The following SERAC1 variants were observed in gnomAD, a reference collection of about 807,000 sequenced individuals.
SERAC1 encodes the protein protein SERAC1.
SERAC1 carries 36 observed loss-of-function variants against 85.7 expected under a neutral mutation model. That is an observed-to-expected ratio of 0.42 (90% confidence interval 0.32 to 0.55). The LOEUF is 0.55. Ranked by LOEUF, SERAC1 falls within the 20% of genes least tolerant of loss-of-function variation. The probability of loss-of-function intolerance (pLI) is 0.11; values close to 1 mark genes in which losing one functional copy is unlikely to be tolerated. For missense variants in SERAC1, 629 were observed against 796.2 expected (o/e 0.79, Z 2.53); for synonymous variants, 242 against 265.3 (o/e 0.91, Z 0.85).
At chr6:158,128,019 A>G in intron 10 of SERAC1, 89 bp downstream of exon 10, 1 of 8,234 alleles carries the variant, frequency 1.2e-4, no homozygotes, top group Non-Finnish European at 1.6e-4. Flanking sequence ...AAAAAAAAAA[A>G]AAAAAAAAAA....
intron 13 of SERAC1, 163 bp from the exon 14 acceptor site, chr6:158,116,445 A>C: frequency 1.7e-6 from 1 of 584,128 alleles, no homozygotes; most frequent in Non-Finnish European, 3.0e-6. Context: ...AAATACCCCT[A>C]TTCTCTCTTA....
intron 10 of SERAC1, among the ~76,000 whole-genome samples, chr6:158,121,896 A>G (rs1458479020): frequency 6.6e-6 from 1 of 152,234 alleles, no homozygotes; most frequent in Non-Finnish European, 1.5e-5. Flanking sequence ...ACCTTTGAAA[A>G]ATATCAAATG....
intron 6 of SERAC1, among the ~76,000 whole-genome samples, chr6:158,145,526 T>C (rs1008623362): frequency 1.5e-4 from 23 of 150,790 alleles, no homozygotes; most frequent in African/African-American, 2.4e-4. Context: ...ATTTTTCTTT[T>C]TTTTTTTTTT....
intron 6 of SERAC1, among the ~76,000 whole-genome samples, chr6:158,145,681 G>C (rs1330129649): frequency 6.6e-6 from 1 of 151,732 alleles, no homozygotes; most frequent in Admixed American, 6.6e-5. Context: ...ACCATGCCCA[G>C]CTAAATTTTT....
At chr6:158,135,516 G>C (rs985976812) in intron 8 of SERAC1, among the ~76,000 whole-genome samples, 1 of 152,052 alleles carries the variant, frequency 6.6e-6, no homozygotes, top group African/African-American at 2.4e-5. Flanking sequence ...CTGGGTGACA[G>C]AGCGAGACTT....
Position 158,114,562 on chromosome 6 carries a change from GATA to G in SERAC1, c.1684+224_1684+226del, listed in dbSNP as rs141344053. On this transcript the variant is annotated intron_variant, in intron 15 of 16. Transcript: ENST00000647468. ...TATTTTTCTAATTTTAAGTATTTAA[GATA>G]ATATTAAAATTATTACAATGCTTGA... 2,425 of 1,222,894 alleles carry G rather than the reference GATA, an allele frequency of 2.0e-3. 41 individuals carry two copies. In the African/African-American group the frequency reaches 0.033, roughly 17 times the overall value. The allele number at this position is 1,222,894 out of a possible 1,614,324, so 75.8% of individuals were successfully genotyped here.
At chr6:158,159,721 C>T (rs1460008126) in intron 1 of SERAC1, among the ~76,000 whole-genome samples, 1 of 151,244 alleles carries the variant, frequency 6.6e-6, no homozygotes, top group Non-Finnish European at 1.5e-5. Context: ...GCCTCTCAGG[C>T]TCAAGCAATC....
intron 14 of SERAC1, among the ~76,000 whole-genome samples, chr6:158,115,742 G>A (rs528579590): frequency 6.6e-6 from 1 of 152,222 alleles, no homozygotes; most frequent in African/African-American, 2.4e-5. Context: ...CAGCAGCTCT[G>A]GGCCTGGTGT....
chr6:158,120,410 C>G lies in SERAC1; in HGVS notation c.1166+15G>C. 1 of 1,606,328 alleles carries G rather than the reference C, an allele frequency of 6.2e-7. No individual in the cohort carries two copies. Among genetic ancestry groups the G allele is most frequent in the South Asian group, 1.1e-5 (1 of 89,802 alleles). Reference sequence around the variant, plus strand: ...TTTCCAAAGGGGACAAAGCAACTCTCTTCTGCTTCCTTACCTTGTTCGATA... The same window carrying G: ...TTTCCAAAGGGGACAAAGCAACTCTGTTCTGCTTCCTTACCTTGTTCGATA... On this transcript the variant is annotated intron_variant, in intron 11 of 16. Transcript: ENST00000647468. The surrounding 1 kb of genome is among the most constrained non-coding windows in gnomAD (Gnocchi z 4.4).
rs73794525 is a variant in SERAC1, at chr6:158,150,909, C to T, written c.129-320G>A. The T allele has an allele frequency of 0.025, 5,883 of 236,780 alleles. 323 individuals carry two copies. The highest frequency in any genetic ancestry group is 0.12 in the African/African-American group (5,464 of 45,500). The allele number at this position is 236,780 out of a possible 1,614,324, so 14.7% of individuals were successfully genotyped here. The stretch of plus-strand genomic sequence containing the variant: ...GTGTAAACAAATCTACTGTGCTGCC[C>T]GTCCTATAAAAGTCTAGCTCATACA... On this transcript the variant is annotated intron_variant, in intron 3 of 16. Transcript: ENST00000647468.
At chr6:158,167,567 C>A (rs919390313) in intron 1 of SERAC1, among the ~76,000 whole-genome samples, 1 of 148,058 alleles carries the variant, frequency 6.8e-6, no homozygotes, top group African/African-American at 2.5e-5. Context: ...GCAGCATGAG[C>A]TTAATGCGGG....
Position 158,143,142 on chromosome 6 carries a change from A to ACAGTT in SERAC1, c.651_652insAACTG (p.Leu218AsnfsTer8). On this transcript the variant is annotated frameshift_variant, in exon 8 of 17. Coordinates refer to ENST00000647468, the MANE Select transcript of SERAC1 (RefSeq NM_032861.4). LOFTEE classifies it high-confidence loss of function. ...CACTCATCTAGCTCTGTTTGAGGTAAGGAAGCCAGCAACTGTCTGAGCTCT... is the reference window on the plus strand; with the variant it reads ...CACTCATCTAGCTCTGTTTGAGGTAACAGTTGGAAGCCAGCAACTGTCTGAGCTCT... 1 of 1,613,780 alleles carries ACAGTT rather than the reference A, an allele frequency of 6.2e-7. No individual in the cohort carries two copies. The highest frequency in any genetic ancestry group is 8.5e-7 in the Non-Finnish European group (1 of 1,179,784).
rs1481501596 is a variant in SERAC1 at position 158,118,973 on chromosome 6, A to G, written c.1308+56T>C. On this transcript the variant is annotated intron_variant, in intron 12 of 16. Transcript: ENST00000647468. ...AGAGAAAAACAAGCAAGCCACAATC[A>G]GGGCCCCAGCAACCAGGGCCCCAGC... The G allele has an allele frequency of 3.9e-6, 6 of 1,557,206 alleles. No individual in the cohort carries two copies. In the Admixed American group the frequency reaches 9.9e-5, roughly 26 times the overall value.
intron 10 of SERAC1, among the ~76,000 whole-genome samples, chr6:158,127,205 T>C (rs1468172029): frequency 6.6e-6 from 1 of 152,084 alleles, no homozygotes; most frequent in Non-Finnish European, 1.5e-5. Flanking sequence ...TAAGGACCCA[T>C]AACTAACCCT....
intron 14 of SERAC1, among the ~76,000 whole-genome samples, chr6:158,115,296 G>A (rs1284304012): frequency 6.6e-6 from 1 of 152,214 alleles, no homozygotes; most frequent in Non-Finnish European, 1.5e-5. Context: ...CATGAGCGTG[G>A]TGTGGCTGGT....
At chr6:158,129,086 T>C (rs1345892803) in intron 9 of SERAC1, among the ~76,000 whole-genome samples, 1 of 152,180 alleles carries the variant, frequency 6.6e-6, no homozygotes, top group Non-Finnish European at 1.5e-5. Flanking sequence ...ATACTGTATA[T>C]CAAGTGAGAT....
At chr6:158,121,682 A>C (rs1437345758) in intron 10 of SERAC1, among the ~76,000 whole-genome samples, 1 of 152,162 alleles carries the variant, frequency 6.6e-6, no homozygotes, top group Non-Finnish European at 1.5e-5. Flanking sequence ...ACATCAGAAG[A>C]TTCCTCTTCA....
chr6:158,150,884 G>A (rs943242466), intron 3 of SERAC1, among the ~76,000 whole-genome samples: 1 of 152,218 alleles, frequency 6.6e-6, no homozygotes, highest in African/African-American at 2.4e-5. Context: ...TGGTGATGCT[G>A]TGTAAACAAA....
chr6:158,145,046 C>T (rs1785021757), intron 6 of SERAC1, among the ~76,000 whole-genome samples: 1 of 152,112 alleles, frequency 6.6e-6, no homozygotes, highest in Admixed American at 6.6e-5. Flanking sequence ...GAGTTCAAGA[C>T]CAGCCTGGCC....
Sources: gnomAD v4.1 joint callset for allele counts (sites outside exome capture counted in the v4.1 genomes callset) on GRCh38, gnomAD v4.1.1 for gene constraint, Gnocchi (gnomAD v3.1) non-coding constraint, MANE v1.5 for transcripts, NCBI Gene and HGNC (gene_info 2026-07-23, HGNC 2026-07-21) for gene names.